The following TTLL1 variants were observed in gnomAD, a reference collection of about 807,000 sequenced individuals.
TTLL1 encodes the protein TTL family tubulin polyglutamylase complex subunit L1, also known as polyglutamylase complex subunit TTLL1.
Under a neutral mutation model 47.8 loss-of-function variants are expected in TTLL1, and 33 were observed. The ratio of observed to expected loss-of-function variants is 0.69; its 90% CI spans 0.52 to 0.92. TTLL1 has a LOEUF of 0.92. Among genes scored for constraint, TTLL1 ranks in the 40% least tolerant of loss-of-function variants. The probability of loss-of-function intolerance (pLI) is 0.00; values close to 1 mark genes in which losing one functional copy is unlikely to be tolerated. For synonymous variants in TTLL1, 225 were observed against 214.1 expected, an observed-to-expected ratio of 1.05 and a Z score of -0.45; for missense variants, 488 against 547.5, an observed-to-expected ratio of 0.89 and a Z score of 1.08.
chr22:43,068,897 T>C (rs766216393), intron 4 of TTLL1, among the ~76,000 whole-genome samples: 5 of 152,130 alleles, frequency 3.3e-5, no homozygotes, highest in Non-Finnish European at 5.9e-5. Context: ...GGAGATCAGA[T>C]AGAGAATTCT....
Position 43,068,065 on chromosome 22 carries a change from C to T in TTLL1, c.503+345G>A, listed in dbSNP as rs552354210. Among the ~76,000 whole-genome samples, 14 of 148,904 alleles carry T rather than the reference C, an allele frequency of 9.4e-5. No individual in the cohort carries two copies. The South Asian group carries it at 2.1e-3, about 23-fold the overall frequency. ...TCCTGACCTCATGATCCACCCACCT[C>T]GGCCTCCCAAAGGGCTGAGATTACA... On this transcript the variant is annotated intron_variant, in intron 5 of 10. Coordinates refer to ENST00000266254, the MANE Select transcript of TTLL1 (RefSeq NM_012263.5).
intron 3 of TTLL1, among the ~76,000 whole-genome samples, chr22:43,074,346 G>C (rs1041694647): frequency 7.4e-5 from 11 of 147,720 alleles, no homozygotes; most frequent in South Asian, 2.1e-4. Flanking sequence ...AGAATCGCTT[G>C]AACCCAGGAG....
rs1170277411 is a variant in TTLL1, at chr22:43,085,007, G to A, written c.-90+4270C>T. On this transcript the variant is annotated intron_variant, in intron 1 of 10. Transcript: ENST00000266254. ...TTTTGAGATGGCATCTTGCTCTGTC[G>A]CCCAGGCTGGAGTGCAGTGGCGCGA... is the stretch of plus-strand genomic sequence containing the variant. Among the ~76,000 whole-genome samples, 4 of 130,910 alleles carry A rather than the reference G, an allele frequency of 3.1e-5. No homozygotes were observed. In the East Asian group the frequency reaches 7.5e-4, roughly 24 times the overall value. The allele number at this position is 130,910 out of a possible 152,430, so 85.9% of individuals were successfully genotyped here.
intron 8 of TTLL1, among the ~76,000 whole-genome samples, chr22:43,054,717 C>A (rs1222554856): frequency 6.9e-6 from 1 of 145,614 alleles, no homozygotes; most frequent in Non-Finnish European, 1.5e-5. Context: ...AGCCACTGCA[C>A]CTGGCCTTTT....
chr22:43,064,884 G>A (rs913060562), intron 5 of TTLL1, among the ~76,000 whole-genome samples: 2 of 151,936 alleles, frequency 1.3e-5, no homozygotes, highest in Admixed American at 6.6e-5. Context: ...GGTGGCTCAC[G>A]CCTGTAATCC....
chr22:43,040,471 A>C (rs1259882484), intron 10 of TTLL1, among the ~76,000 whole-genome samples: 3 of 151,550 alleles, frequency 2.0e-5, no homozygotes, highest in Admixed American at 2.0e-4. Context: ...TTTGAGATGG[A>C]GTTTCACTCT....
chr22:43,042,874 AG>A (rs1555956061), intron 10 of TTLL1, among the ~76,000 whole-genome samples: 1 of 149,250 alleles, frequency 6.7e-6, no homozygotes, highest in African/African-American at 2.5e-5. Context: ...TGGATCAGGG[AG>A]GGGGGTTCAC....
At chr22:43,051,239 G>A (rs551253985) in intron 9 of TTLL1, among the ~76,000 whole-genome samples, 4 of 152,356 alleles carry the variant, frequency 2.6e-5, no homozygotes, top group Non-Finnish European at 4.4e-5. Flanking sequence ...GCGCGCCAGC[G>A]CCCACTGTGG....
chr22:43,088,516 T>G (rs1379791418), intron 1 of TTLL1, among the ~76,000 whole-genome samples: 1 of 136,510 alleles, frequency 7.3e-6, no homozygotes, highest in Non-Finnish European at 1.6e-5. Flanking sequence ...TTTTTTTTTT[T>G]GTATTTTTAG....
chr22:43,070,300 T>C (rs1332143913), intron 3 of TTLL1: 27 of 936,516 alleles, frequency 2.9e-5, no homozygotes, highest in Non-Finnish European at 3.8e-5. Flanking sequence ...TTTGATATTC[T>C]TGGAGAGTCT....
At chr22:43,080,252 C>T (rs940552206) in intron 1 of TTLL1, among the ~76,000 whole-genome samples, 7 of 151,862 alleles carry the variant, frequency 4.6e-5, no homozygotes, top group Non-Finnish European at 7.4e-5. Flanking sequence ...ACAGGGTTTC[C>T]CCATGTTGGC....
At chr22:43,080,433 T>C (rs1928801772) in intron 1 of TTLL1, among the ~76,000 whole-genome samples, 1 of 152,088 alleles carries the variant, frequency 6.6e-6, no homozygotes, top group Non-Finnish European at 1.5e-5. Context: ...GTTGAACAAA[T>C]GTACACCAAA....
At chr22:43,073,540 G>C (rs2146985176) in intron 3 of TTLL1, among the ~76,000 whole-genome samples, 1 of 150,754 alleles carries the variant, frequency 6.6e-6, no homozygotes, top group Middle Eastern at 3.5e-3. Flanking sequence ...TATTTTTGTA[G>C]TGATGGGGTT....
Position 43,053,503 on chromosome 22 carries a change from G to A in TTLL1, c.892-1616C>T, listed in dbSNP as rs543924463. Among the ~76,000 whole-genome samples, 10 of 152,248 alleles carry A rather than the reference G, an allele frequency of 6.6e-5. No individual in the cohort carries two copies. In the East Asian group the frequency reaches 1.7e-3, roughly 26 times the overall value. On this transcript the variant is annotated intron_variant, in intron 8 of 10. Transcript: ENST00000266254. The stretch of plus-strand genomic sequence containing the variant: ...GCCTGACTGTCATTCTCCAAACCCT[G>A]CTCTGCCTCCAGCCCTGAGCAGGCT...
intron 9 of TTLL1, among the ~76,000 whole-genome samples, chr22:43,049,416 G>A (rs966697915): frequency 6.6e-6 from 1 of 151,452 alleles, no homozygotes; most frequent in African/African-American, 2.4e-5. Context: ...CCAGCTACTC[G>A]GGAGACTGAG....
intron 8 of TTLL1, 68 bp from the exon 9 acceptor site, chr22:43,051,955 G>T: frequency 2.0e-6 from 3 of 1,474,638 alleles, no homozygotes; most frequent in Non-Finnish European, 2.8e-6. Flanking sequence ...CAACGCCACA[G>T]AGACAAGCAG....
At chr22:43,058,665 G>A (rs1191134725) in intron 8 of TTLL1, among the ~76,000 whole-genome samples, 4 of 152,262 alleles carry the variant, frequency 2.6e-5, no homozygotes, top group African/African-American at 7.2e-5. Context: ...ATGTGCAGGC[G>A]GCAAGAAAGT....
intron 1 of TTLL1, among the ~76,000 whole-genome samples, chr22:43,081,043 G>A (rs2146992548): frequency 6.7e-6 from 1 of 150,356 alleles, no homozygotes; most frequent in Middle Eastern, 3.4e-3. Context: ...AGCCTCTGGA[G>A]TAGCTGGGAT....
chr22:43,049,400 G>A (rs557473444), intron 9 of TTLL1, among the ~76,000 whole-genome samples: 15 of 152,172 alleles, frequency 9.9e-5, no homozygotes, highest in African/African-American at 2.6e-4. Flanking sequence ...GCTCATATCT[G>A]TAATCCCAGC....
Sources: gnomAD v4.1 joint callset for allele counts (sites outside exome capture counted in the v4.1 genomes callset) on GRCh38, gnomAD v4.1.1 for gene constraint, MANE v1.5 for transcripts, NCBI Gene and HGNC (gene_info 2026-07-23, HGNC 2026-07-21) for gene names.